Variants in GRM8 observed in about 807,000 individuals in gnomAD.
The protein encoded by GRM8 is metabotropic glutamate receptor 8.
GRM8 carries 47 observed loss-of-function variants against 87.2 expected under a neutral mutation model. That is an observed-to-expected ratio of 0.54 (90% confidence interval 0.43 to 0.69). The LOEUF (loss-of-function observed/expected upper bound fraction) is 0.69. Ranked by LOEUF, GRM8 falls within the 30% of genes least tolerant of loss-of-function variation. The pLI is 0.00. For synonymous variants in GRM8, 396 were observed against 404.5 expected (o/e 0.98, Z 0.25); for missense variants, 1,019 against 1,139.2 (o/e 0.89, Z 1.52).
chr7:126,727,734 CA>C (rs879843131), intron 7 of GRM8, among the ~76,000 whole-genome samples: 13 of 151,132 alleles, frequency 8.6e-5, no homozygotes, highest in South Asian at 8.4e-4. Context: ...CACACACACA[CA>C]CACACCCCTA....
intron 3 of GRM8, among the ~76,000 whole-genome samples, chr7:127,083,812 C>T (rs1333389110): frequency 6.6e-6 from 1 of 152,120 alleles, no homozygotes; most frequent in Non-Finnish European, 1.5e-5. Context: ...CCTGATATCT[C>T]TGGGCAAAAT....
At chr7:126,687,503 A>T (rs1808313363) in intron 7 of GRM8, among the ~76,000 whole-genome samples, 1 of 152,110 alleles carries the variant, frequency 6.6e-6, no homozygotes, top group Admixed American at 6.5e-5. Context: ...GTATTAATGA[A>T]TATATGGGTT....
At position 126,891,081 on chromosome 7, in the gene GRM8, C is replaced by G. The variant is rs1800956609; in HGVS notation, c.1156+11461G>C. On this transcript the variant is annotated intron_variant, in intron 6 of 10. Coordinates refer to ENST00000339582, the MANE Select transcript of GRM8 (RefSeq NM_000845.3). ...CACAAAATTCATCATCCTCCTTCCC[C>G]CTCTTCCCCAATCATTCATTATATC... Among the ~76,000 whole-genome samples, 6 of 152,002 alleles carry G rather than the reference C, an allele frequency of 3.9e-5. No individual in the cohort carries two copies. The South Asian group carries it at 8.3e-4, about 21-fold the overall frequency.
chr7:126,806,840 C>G (rs944250669), intron 6 of GRM8, among the ~76,000 whole-genome samples: 2 of 152,184 alleles, frequency 1.3e-5, no homozygotes, highest in Non-Finnish European at 2.9e-5. Flanking sequence ...GGAACCGCGC[C>G]GGTGGCCACC....
intron 6 of GRM8, among the ~76,000 whole-genome samples, chr7:126,814,092 A>G (rs188079547): frequency 5.3e-4 from 81 of 152,180 alleles, no homozygotes; most frequent in Non-Finnish European, 7.7e-4. Context: ...CTATCTATGA[A>G]CTGGTAACTG....
intron 3 of GRM8, among the ~76,000 whole-genome samples, chr7:127,047,817 C>T (rs1391417496): frequency 6.6e-6 from 1 of 152,060 alleles, no homozygotes; most frequent in Admixed American, 6.5e-5. Context: ...GCCTGGGTGA[C>T]AAAATGAGAC....
chr7:126,971,651 G>A (rs923373935), intron 3 of GRM8, among the ~76,000 whole-genome samples: 9 of 152,110 alleles, frequency 5.9e-5, no homozygotes, highest in Non-Finnish European at 1.2e-4. Flanking sequence ...AGGGCTATGA[G>A]TCCATGAGGA....
At chr7:127,221,487 T>TCCTA (rs1796929547) in intron 2 of GRM8, among the ~76,000 whole-genome samples, 2 of 152,288 alleles carry the variant, frequency 1.3e-5, no homozygotes, top group Non-Finnish European at 2.9e-5. Context: ...AGGTTGCCCG[T>TCCTA]AGCTCAAGAC....
intron 9 of GRM8, among the ~76,000 whole-genome samples, chr7:126,488,579 A>G (rs1464001898): frequency 6.6e-6 from 1 of 151,926 alleles, no homozygotes; most frequent in Non-Finnish European, 1.5e-5. Flanking sequence ...CTAATTTCAC[A>G]TTCTTCCCAA....
chr7:126,507,821 T>A (rs1810714866), intron 9 of GRM8, among the ~76,000 whole-genome samples: 1 of 151,936 alleles, frequency 6.6e-6, no homozygotes, highest in Admixed American at 6.6e-5. Flanking sequence ...CCCTAACACC[T>A]CATCTTCAAC....
At chr7:127,124,725 T>G (rs1312337517) in intron 2 of GRM8, among the ~76,000 whole-genome samples, 3 of 152,158 alleles carry the variant, frequency 2.0e-5, no homozygotes, top group Non-Finnish European at 4.4e-5. Context: ...TGATCAGAAC[T>G]GATTGCACAG....
At position 126,788,420 on chromosome 7, in the gene GRM8, A is replaced by AACAAAAAACAAAAACAAAAAAAAAAAAAC. The variant is rs1554492201; in HGVS notation, c.1157-18356_1157-18355insGTTTTTTTTTTTTTGTTTTTGTTTTTTGT. On this transcript the variant is annotated intron_variant, in intron 6 of 10. Coordinates refer to ENST00000339582, the MANE Select transcript of GRM8 (RefSeq NM_000845.3). ...GCAAGACTCCATCTCAAAAAAAAAA[A>AACAAAAAACAAAAACAAAAAAAAAAAAAC]AAACCCTTTCAGATATCTTTAACAT... Among the ~76,000 whole-genome samples the AACAAAAAACAAAAACAAAAAAAAAAAAAC allele has an allele frequency of 9.0e-4, 73 of 81,134 alleles. 5 individuals carry two copies. Among genetic ancestry groups the AACAAAAAACAAAAACAAAAAAAAAAAAAC allele is most frequent in the African/African-American group, 3.3e-3 (72 of 21,824 alleles). 53.2% of individuals were successfully genotyped at this position (81,134 alleles called of 152,430 possible).
intron 3 of GRM8, among the ~76,000 whole-genome samples, chr7:127,098,042 T>C (rs1824850972): frequency 6.6e-6 from 1 of 152,242 alleles, no homozygotes; most frequent in African/African-American, 2.4e-5. Context: ...TAAAATCATA[T>C]GCATGTCCTT....
At chr7:126,921,458 T>C (rs994802518) in intron 3 of GRM8, among the ~76,000 whole-genome samples, 2 of 151,914 alleles carry the variant, frequency 1.3e-5, no homozygotes, top group African/African-American at 4.8e-5. Context: ...AACTGAAGAA[T>C]AAGAACTTTT....
chr7:126,623,977 T>C (rs554048286), intron 7 of GRM8, among the ~76,000 whole-genome samples: 177 of 152,282 alleles, frequency 1.2e-3, no homozygotes, highest in Non-Finnish European at 2.3e-3. Flanking sequence ...ATCTAATGCA[T>C]GGACAGGTTC....
In GRM8 at chr7:127,140,247, G is replaced by C. The variant is rs138035795; in HGVS notation, c.511-33535C>G. ...TGAAGGGCCATCCTGTGCATTTTAA[G>C]AGGTTTAGTGGCATCCCTGGTCTCT... is the stretch of plus-strand genomic sequence containing the variant. On this transcript the variant is annotated intron_variant, in intron 2 of 10. Coordinates refer to ENST00000339582, the MANE Select transcript of GRM8 (RefSeq NM_000845.3). Among the ~76,000 whole-genome samples the C allele has an allele frequency of 7.8e-3, 1,182 of 152,168 alleles. 12 individuals carry two copies. Among genetic ancestry groups the C allele is most frequent in the African/African-American group, 0.026 (1,091 of 41,458 alleles).
chr7:127,187,643 C>G (rs1011418469), intron 2 of GRM8, among the ~76,000 whole-genome samples: 3 of 152,160 alleles, frequency 2.0e-5, no homozygotes, highest in African/African-American at 4.8e-5. Context: ...TCACTAACTC[C>G]TGGCTCTTTC....
chr7:126,940,889 C>A (rs1806849078), intron 3 of GRM8, among the ~76,000 whole-genome samples: 4 of 152,112 alleles, frequency 2.6e-5, no homozygotes, highest in Admixed American at 2.6e-4. Flanking sequence ...GTAAGCAATG[C>A]AGATGACATT....
chr7:126,626,647 A>G (rs1257569719), intron 7 of GRM8, among the ~76,000 whole-genome samples: 1 of 152,190 alleles, frequency 6.6e-6, no homozygotes, highest in African/African-American at 2.4e-5. Flanking sequence ...TAATAAGACA[A>G]AGCAGTATGA....
Sources: allele counts gnomAD v4.1 joint callset (sites outside exome capture counted in the v4.1 genomes callset), GRCh38; gene constraint gnomAD v4.1.1; transcripts MANE v1.5; gene names NCBI Gene and HGNC (gene_info 2026-07-23, HGNC 2026-07-21).